RASGRF2: variants seen among roughly 807,000 people sequenced by gnomAD.
The protein encoded by RASGRF2 is ras-specific guanine nucleotide-releasing factor 2.
A neutral mutation model predicts 151.0 loss-of-function variants in RASGRF2; 76 were observed. The observed-to-expected ratio is 0.50, with a 90% CI of 0.42 to 0.61. The LOEUF is 0.61. Among genes scored for constraint, RASGRF2 ranks in the 20% least tolerant of loss-of-function variants. The probability of loss-of-function intolerance (pLI) is 0.00; values close to 1 mark genes in which losing one functional copy is unlikely to be tolerated. For missense variants in RASGRF2, 1,148 were observed against 1,564.6 expected (o/e 0.73, Z 4.49); for synonymous variants, 504 against 566.5 (o/e 0.89, Z 1.57).
intron 1 of RASGRF2, among the ~76,000 whole-genome samples, chr5:81,022,916 C>T (rs1434731977): frequency 6.6e-6 from 1 of 152,158 alleles, no homozygotes. Context: ...TAATAAATTC[C>T]AGAAAGAGTC....
chr5:81,099,907 C>CTTTTT (rs577876645), intron 12 of RASGRF2, among the ~76,000 whole-genome samples: 9 of 125,036 alleles, frequency 7.2e-5, no homozygotes, highest in African/African-American at 1.2e-4. Flanking sequence ...TTTCTTTTTT[C>CTTTTT]TTTTTTTTTT....
intron 25 of RASGRF2, among the ~76,000 whole-genome samples, chr5:81,218,693 T>C (rs1305148647): frequency 6.6e-6 from 1 of 152,038 alleles, no homozygotes; most frequent in African/African-American, 2.4e-5. Flanking sequence ...TCCTTTTTGG[T>C]TCCATATGAG....
chr5:81,126,077 T>C (rs72771117), intron 16 of RASGRF2, among the ~76,000 whole-genome samples: 1,905 of 152,362 alleles, frequency 0.013, 17 homozygotes, highest in Middle Eastern at 0.02. Flanking sequence ...TTAGGCATGA[T>C]TGTGAAACAT....
At chr5:80,961,853 A>G (rs1349528457) in intron 1 of RASGRF2, among the ~76,000 whole-genome samples, 5 of 152,194 alleles carry the variant, frequency 3.3e-5, no homozygotes, top group South Asian at 4.1e-4. Flanking sequence ...CTGCAAACAC[A>G]AAGTTTGTAT....
At chr5:80,966,220 A>G (rs78751110) in intron 1 of RASGRF2, among the ~76,000 whole-genome samples, 14,029 of 152,096 alleles carry the variant, frequency 0.092, 1,070 homozygotes, top group East Asian at 0.34. Flanking sequence ...TTTGATTTGT[A>G]CATTAACATT....
At chr5:81,087,371 G>C in intron 9 of RASGRF2, 2 of 701,774 alleles carry the variant, frequency 2.8e-6, no homozygotes, top group Admixed American at 2.0e-5. Context: ...AGTGAAAACA[G>C]CTGTCTGTTG....
intron 22 of RASGRF2, among the ~76,000 whole-genome samples, chr5:81,209,129 A>T (rs1389541292): frequency 6.6e-6 from 1 of 152,118 alleles, no homozygotes; most frequent in Non-Finnish European, 1.5e-5. Context: ...AGTCCTCATC[A>T]TTACTGAACG....
intron 1 of RASGRF2, among the ~76,000 whole-genome samples, chr5:81,031,168 C>G (rs1463223687): frequency 1.3e-5 from 2 of 152,182 alleles, no homozygotes; most frequent in African/African-American, 2.4e-5. Flanking sequence ...TAGAGACCTA[C>G]AAAGAGACTT....
In RASGRF2 at chr5:81,118,400, C is replaced by A. The variant is rs538513020; in HGVS notation, c.2470+4480C>A. 4.6e-5 allele frequency among the ~76,000 whole-genome samples: 7 copies of A among 152,344 alleles called. No individual in the cohort carries two copies. The South Asian group carries it at 1.5e-3, about 32-fold the overall frequency. On this transcript the variant is annotated intron_variant, in intron 15 of 26. Coordinates refer to ENST00000265080, the MANE Select transcript of RASGRF2 (RefSeq NM_006909.3). ...GGCCACAGCTAGTGTGGCTGAGGAG[C>A]ACTGCACAGGAATGTGGGGAGCAGC...
chr5:81,144,193 A>G lies in RASGRF2; in HGVS notation c.2686+17030A>G, dbSNP rs1296574134. Among the ~76,000 whole-genome samples the G allele has an allele frequency of 3.3e-5, 5 of 152,242 alleles. No individual in the cohort carries two copies. In the East Asian group the frequency reaches 5.8e-4, roughly 18 times the overall value. Reference sequence around the variant, plus strand: ...AGCTTTTAGTTAAAAAAATTTTCAAACTGTTATGTCAAAGATTAAATGTGG... The same window carrying G: ...AGCTTTTAGTTAAAAAAATTTTCAAGCTGTTATGTCAAAGATTAAATGTGG... On this transcript the variant is annotated intron_variant, in intron 17 of 26. Transcript: ENST00000265080.
At chr5:81,044,174 T>G (rs971491180) in intron 2 of RASGRF2, among the ~76,000 whole-genome samples, 4 of 152,080 alleles carry the variant, frequency 2.6e-5, no homozygotes, top group Non-Finnish European at 4.4e-5. Flanking sequence ...TCCCAGCACT[T>G]TGGGAGGCTG....
chr5:81,044,405 A>G (rs1407291779), intron 2 of RASGRF2, among the ~76,000 whole-genome samples: 2 of 151,982 alleles, frequency 1.3e-5, no homozygotes, highest in African/African-American at 2.4e-5. Flanking sequence ...GGGAGAGAGC[A>G]AGACTCCATC....
At chr5:81,175,755 CAAAAA>C (rs33931356) in intron 17 of RASGRF2, among the ~76,000 whole-genome samples, 1 of 99,540 alleles carries the variant, frequency 1.0e-5, no homozygotes, top group African/African-American at 3.7e-5. Flanking sequence ...AACTCCGTCT[CAAAAA>C]AAAAAAAAAA....
chr5:81,123,583 T>G (rs1753369968), intron 15 of RASGRF2, 59 bp from the exon 16 acceptor site: 8 of 1,572,474 alleles, frequency 5.1e-6, no homozygotes, highest in Non-Finnish European at 6.9e-6. Flanking sequence ...TGCATGATAC[T>G]GACAAGAAGC....
At chr5:81,205,363 TAGTC>T (rs771313576) in intron 19 of RASGRF2, among the ~76,000 whole-genome samples, 9 of 152,238 alleles carry the variant, frequency 5.9e-5, no homozygotes, top group Admixed American at 4.6e-4. Context: ...CTGAGCAACT[TAGTC>T]AGTGTCTTTG....
intron 1 of RASGRF2, among the ~76,000 whole-genome samples, chr5:80,987,264 G>C (rs936194149): frequency 4.6e-5 from 7 of 152,292 alleles, no homozygotes; most frequent in Admixed American, 3.3e-4. Context: ...GCTCCCATTT[G>C]TTGAGCACTG....
chr5:81,062,633 T>G (rs1751478820), intron 2 of RASGRF2, among the ~76,000 whole-genome samples: 1 of 152,246 alleles, frequency 6.6e-6, no homozygotes, highest in Admixed American at 6.5e-5. Flanking sequence ...ATAGTGGTTA[T>G]AACAAATATT....
At chr5:81,115,454 A>G (rs537435709) in intron 15 of RASGRF2, among the ~76,000 whole-genome samples, 3 of 152,204 alleles carry the variant, frequency 2.0e-5, no homozygotes, top group African/African-American at 4.8e-5. Flanking sequence ...TGCTTGGGAA[A>G]CCCTGTGGAG....
chr5:81,097,939 A>G (rs1752592867), intron 12 of RASGRF2, among the ~76,000 whole-genome samples: 1 of 152,186 alleles, frequency 6.6e-6, no homozygotes, highest in Non-Finnish European at 1.5e-5. Context: ...TTTCGAAAGG[A>G]TTGCTGTGGC....
Sources: gnomAD v4.1 joint callset for allele counts (sites outside exome capture counted in the v4.1 genomes callset) on GRCh38, gnomAD v4.1.1 for gene constraint, MANE v1.5 for transcripts, NCBI Gene and HGNC (gene_info 2026-07-23, HGNC 2026-07-21) for gene names.